Variants in BICRAL observed in about 807,000 individuals in gnomAD.
BICRAL encodes the protein BRD4-interacting chromatin-remodeling complex-associated protein-like.
BICRAL carries 8 observed loss-of-function variants against 91.8 expected under a neutral mutation model. That is an observed-to-expected ratio of 0.09 (90% CI 0.05 to 0.16). BICRAL has a LOEUF of 0.16. Ranked by LOEUF, BICRAL falls within the 10% of genes least tolerant of loss-of-function variation. The pLI, the probability that BICRAL is intolerant of heterozygous loss-of-function variation, is 1.00. For missense variants in BICRAL, 1,038 were observed against 1,310.9 expected (o/e 0.79, Z 3.21); for synonymous variants, 445 against 491.1 (o/e 0.91, Z 1.24).
chr6:42,783,099 G>T (rs1287490331), intron 1 of BICRAL, among the ~76,000 whole-genome samples: 1 of 151,380 alleles, frequency 6.6e-6, no homozygotes, highest in East Asian at 1.9e-4. Flanking sequence ...GGGTGCGGCG[G>T]GGAGAGCTCG....
chr6:42,756,780 A>G (rs796532928), intron 1 of BICRAL, among the ~76,000 whole-genome samples: 1 of 151,902 alleles, frequency 6.6e-6, no homozygotes, highest in Non-Finnish European at 1.5e-5. Flanking sequence ...AGATGGCTTC[A>G]CTCACACATC....
At chr6:42,801,250 A>T (rs1763562938) in intron 1 of BICRAL, among the ~76,000 whole-genome samples, 1 of 42,078 alleles carries the variant, frequency 2.4e-5, no homozygotes. Flanking sequence ...GACTCTGTTT[A>T]AAAAAAAAAA....
chr6:42,835,196 T>C (rs955546604), intron 6 of BICRAL, among the ~76,000 whole-genome samples: 29 of 152,072 alleles, frequency 1.9e-4, no homozygotes, highest in African/African-American at 7.0e-4. Flanking sequence ...TGGCACGATA[T>C]CTGCTCACTG....
At chr6:42,805,796 T>C (rs1163972120) in intron 1 of BICRAL, among the ~76,000 whole-genome samples, 1 of 151,964 alleles carries the variant, frequency 6.6e-6, no homozygotes, top group Non-Finnish European at 1.5e-5. Flanking sequence ...GGTCAGGAGA[T>C]TGAGACCGTC....
intron 9 of BICRAL, 121 bp from the exon 10 acceptor site, chr6:42,856,970 A>T: frequency 3.7e-6 from 3 of 800,372 alleles, no homozygotes; most frequent in Non-Finnish European, 5.8e-6. Flanking sequence ...TAAAAAATAT[A>T]AAACTAAAAA....
At chr6:42,787,711 A>G (rs1197035665) in intron 1 of BICRAL, among the ~76,000 whole-genome samples, 1 of 152,152 alleles carries the variant, frequency 6.6e-6, no homozygotes, top group African/African-American at 2.4e-5. Flanking sequence ...GTCTATTTGG[A>G]TTTGACAACA....
rs142876940 is a variant in BICRAL at position 42,788,470 on chromosome 6, C to T, written c.-102+6369C>T. ...CTCCTGACCTCAGGTGATCCACGCA[C>T]CTAGGCCTCCCAAAATGTTGGGATT... is the stretch of plus-strand genomic sequence containing the variant. On this transcript the variant is annotated intron_variant, in intron 1 of 12. Coordinates refer to ENST00000314073, the MANE Select transcript of BICRAL (RefSeq NM_001393499.1). Among the ~76,000 whole-genome samples, 44 of 152,072 alleles carry T rather than the reference C, an allele frequency of 2.9e-4. 1 individual carries two copies. Among genetic ancestry groups the T allele is most frequent in the Admixed American group, 7.2e-4 (11 of 15,264 alleles).
chr6:42,857,614 A>AAAAT, intron 10 of BICRAL, among the ~76,000 whole-genome samples: 2 of 96,226 alleles, frequency 2.1e-5, no homozygotes, highest in East Asian at 4.5e-4. Flanking sequence ...AAAAAAAAAA[A>AAAAT]ATATATATAT....
intron 1 of BICRAL, among the ~76,000 whole-genome samples, chr6:42,785,946 T>A (rs1763094077): frequency 6.6e-6 from 1 of 152,138 alleles, no homozygotes; most frequent in Non-Finnish European, 1.5e-5. Flanking sequence ...TCTCAGCTAC[T>A]CAGGAGGCTG....
At chr6:42,811,738 G>T (rs1763850313) in intron 2 of BICRAL, among the ~76,000 whole-genome samples, 1 of 152,206 alleles carries the variant, frequency 6.6e-6, no homozygotes, top group Admixed American at 6.5e-5. Flanking sequence ...GTTTTCAGCT[G>T]ATAACTGATG....
At chr6:42,859,608 A>T (rs1408658994) in intron 10 of BICRAL, among the ~76,000 whole-genome samples, 1 of 152,044 alleles carries the variant, frequency 6.6e-6, no homozygotes, top group East Asian at 1.9e-4. Flanking sequence ...GGCTTAGGTC[A>T]TCTAAACTAG....
chr6:42,799,388 T>A (rs1015255710), intron 1 of BICRAL, among the ~76,000 whole-genome samples: 1 of 150,968 alleles, frequency 6.6e-6, no homozygotes, highest in African/African-American at 2.4e-5. Flanking sequence ...AGCCTCAGCC[T>A]CCTGGGTTCA....
Position 42,845,195 on chromosome 6 carries a change from GTTTTTTTTT to G in BICRAL, c.1840-6852_1840-6844del, listed in dbSNP as rs748804344. On this transcript the variant is annotated intron_variant, in intron 6 of 12. Transcript: ENST00000314073. ...CTTCTCTGTTTTTTGTTTTTTGGGT[GTTTTTTTTT>G]TTTTTTTTTTTTTTTTTTTTTTTTT... Among the ~76,000 whole-genome samples the G allele has an allele frequency of 2.0e-3, 52 of 25,612 alleles. 6 individuals are homozygous for G. The highest frequency in any genetic ancestry group is 7.2e-3 in the South Asian group (4 of 556). The allele number at this position is 25,612 out of a possible 152,430, so 16.8% of individuals were successfully genotyped here.
chr6:42,855,553 A>G (rs1765325508), intron 8 of BICRAL, among the ~76,000 whole-genome samples: 1 of 151,848 alleles, frequency 6.6e-6, no homozygotes, highest in Non-Finnish European at 1.5e-5. Flanking sequence ...AAACATGATG[A>G]TGATGATGAT....
intron 6 of BICRAL, among the ~76,000 whole-genome samples, chr6:42,842,438 G>A (rs1562489272): frequency 6.6e-6 from 1 of 152,088 alleles, no homozygotes; most frequent in Non-Finnish European, 1.5e-5. Context: ...ATTCCCACGG[G>A]AGAAAGCACA....
At chr6:42,774,279 G>A (rs1762780647) in intron 1 of BICRAL, among the ~76,000 whole-genome samples, 1 of 152,182 alleles carries the variant, frequency 6.6e-6, no homozygotes, top group Non-Finnish European at 1.5e-5. Context: ...CATGGTTTGA[G>A]GGAGAATGAG....
intron 1 of BICRAL, among the ~76,000 whole-genome samples, chr6:42,755,514 A>G (rs1217058509): frequency 1.3e-5 from 2 of 152,140 alleles, no homozygotes; most frequent in Non-Finnish European, 2.9e-5. Flanking sequence ...AGAGGTGGCC[A>G]GATAGGACCT....
At chr6:42,815,545 T>C (rs1582840110) in intron 2 of BICRAL, among the ~76,000 whole-genome samples, 1 of 152,162 alleles carries the variant, frequency 6.6e-6, no homozygotes, top group Non-Finnish European at 1.5e-5. Flanking sequence ...TCCTGAAATA[T>C]CTGTTCTTGC....
Position 42,853,715 on chromosome 6 carries a change from TCTC to T in BICRAL, c.2026_2028del (p.Pro676del), listed in dbSNP as rs1471204697. The T allele has an allele frequency of 6.2e-7, 1 of 1,612,408 alleles. No individual in the cohort carries two copies. The highest frequency in any genetic ancestry group is 1.1e-5 in the South Asian group (1 of 91,060). On this transcript the variant is annotated inframe_deletion, in exon 8 of 13. Transcript: ENST00000314073. Reference sequence around the variant, plus strand: ...ACAGCAGGAAAAAGTAGTTGGATCATCTCCTGGCCATCCAGCTGTGCAGGTAGA... The same window carrying T: ...ACAGCAGGAAAAAGTAGTTGGATCATCTGGCCATCCAGCTGTGCAGGTAGA...
Sources: gnomAD v4.1 joint callset for allele counts (sites outside exome capture counted in the v4.1 genomes callset) on GRCh38, gnomAD v4.1.1 for gene constraint, MANE v1.5 for transcripts, NCBI Gene and HGNC (gene_info 2026-07-23, HGNC 2026-07-21) for gene names.